Variants in CA2 observed in about 807,000 individuals in gnomAD.
The protein encoded by CA2 is carbonate dehydratase II.
CA2 carries 23 observed loss-of-function variants against 27.8 expected under a neutral mutation model. The observed-to-expected ratio is 0.83, with a 90% CI of 0.59 to 1.17. The LOEUF is 1.17. Ranked by LOEUF, CA2 falls within the 50% of genes most tolerant of loss-of-function variation. The pLI, the probability that CA2 is intolerant of heterozygous loss-of-function variation, is 0.00. For synonymous variants in CA2, 99 were observed against 114.9 expected, an observed-to-expected ratio of 0.86 and a Z score of 0.88; for missense variants, 300 against 314.7, an observed-to-expected ratio of 0.95 and a Z score of 0.35.
intron 5 of CA2, 66 bp downstream of exon 5, chr8:85,475,926 T>C: frequency 9.0e-6 from 12 of 1,329,650 alleles, no homozygotes; most frequent in Non-Finnish European, 1.3e-5. Flanking sequence ...GTTTTAGAAA[T>C]TTCTTTTGAT....
intron 4 of CA2, among the ~76,000 whole-genome samples, chr8:85,474,991 C>A (rs1811769562): frequency 6.6e-6 from 1 of 151,904 alleles, no homozygotes; most frequent in African/African-American, 2.4e-5. Flanking sequence ...AAGGCCTTTA[C>A]AAGGGGAGAG....
At chr8:85,476,151 T>C (rs1338806947) in intron 5 of CA2, among the ~76,000 whole-genome samples, 1 of 152,144 alleles carries the variant, frequency 6.6e-6, no homozygotes, top group Non-Finnish European at 1.5e-5. Flanking sequence ...GGTTCAAAGG[T>C]CCTCTAGTCA....
intron 1 of CA2, 36 bp downstream of exon 1, chr8:85,464,151 G>A: frequency 1.6e-6 from 2 of 1,247,370 alleles, no homozygotes; most frequent in Admixed American, 2.3e-5. Flanking sequence ...GGGGCGCCCC[G>A]ATCCCCGATC....
At chr8:85,464,403 G>A (rs1450411901) in intron 1 of CA2, 5 of 407,080 alleles carry the variant, frequency 1.2e-5, no homozygotes, top group Non-Finnish European at 2.2e-5. Flanking sequence ...CCTGGCCGCG[G>A]GACCCGAGGA....
At chr8:85,479,550 C>G (rs954263267) in intron 6 of CA2, among the ~76,000 whole-genome samples, 10 of 152,084 alleles carry the variant, frequency 6.6e-5, no homozygotes, top group Admixed American at 3.9e-4. Flanking sequence ...ATTTGGATCA[C>G]GTCTTGGTTA....
At chr8:85,475,066 G>A (rs1164644972) in intron 4 of CA2, among the ~76,000 whole-genome samples, 1 of 152,080 alleles carries the variant, frequency 6.6e-6, no homozygotes, top group African/African-American at 2.4e-5. Flanking sequence ...CCAGCACCTT[G>A]GGACACCAAG....
intron 1 of CA2, 49 bp downstream of exon 1, chr8:85,464,164 CGAT>C: frequency 2.7e-6 from 4 of 1,475,960 alleles, no homozygotes; most frequent in Non-Finnish European, 3.6e-6. Flanking sequence ...CCCCGATCCC[CGAT>C]CCCCGATCCC....
In CA2 at chr8:85,465,398, C is replaced by A. The variant is rs762111570; in HGVS notation, c.161C>A (p.Ala54Glu). 1.2e-6 allele frequency: 2 copies of A among 1,614,178 alleles called. No homozygotes were observed. The highest frequency in any genetic ancestry group is 1.1e-5 in the South Asian group (1 of 91,082). ...CCCCTGTCTGTTTCCTATGATCAAG[C>A]AACTTCCCTGAGGATCCTCAACAAT... ...LKPLSVSYDQ[A>E]TSLRILNNGH... is the part of the protein sequence containing the mutation. The change falls in exon 2 of 7, where the codon GCA (alanine) becomes GAA (glutamate). Residue 54 changes from alanine (A) to glutamate (E), a missense_variant. Ala to Glu is a moderately radical substitution (Grantham distance 107). Transcript: ENST00000285379.
chr8:85,480,414 G>A (rs190711531), intron 6 of CA2, among the ~76,000 whole-genome samples: 28 of 149,756 alleles, frequency 1.9e-4, no homozygotes, highest in Middle Eastern at 3.4e-3. Flanking sequence ...GCTCTACCAC[G>A]CCTGTTTAAT....
chr8:85,476,459 TC>T (rs1032932454), intron 5 of CA2, among the ~76,000 whole-genome samples: 9 of 152,180 alleles, frequency 5.9e-5, no homozygotes, highest in Admixed American at 4.6e-4. Context: ...GCAGCATCTA[TC>T]CTCTGAAATG....
At chr8:85,474,631 G>A in intron 4 of CA2, 1 of 569,698 alleles carries the variant, frequency 1.8e-6, no homozygotes, top group East Asian at 3.1e-5. Flanking sequence ...GGTACCTTTT[G>A]GATGTAAATG....
intron 5 of CA2, among the ~76,000 whole-genome samples, chr8:85,476,583 T>C (rs1160484644): frequency 6.6e-6 from 1 of 152,246 alleles, no homozygotes; most frequent in Non-Finnish European, 1.5e-5. Context: ...TAATTATCTT[T>C]AGTTTCCTTT....
At position 85,464,125 on chromosome 8, in the gene CA2, GGCGACGGCCA is replaced by G; in HGVS notation, c.34+14_34+23del. 1 of 1,537,978 alleles carries G rather than the reference GGCGACGGCCA, an allele frequency of 6.5e-7. No homozygotes were observed. The highest frequency in any genetic ancestry group is 2.5e-5 in the East Asian group (1 of 39,932). ...TACGGCAAACACAACGGTGAGTGCC[GGCGACGGCCA>G]GCGCGGGGGCGCCCCGATCCCCGAT... On this transcript the variant is annotated intron_variant, in intron 1 of 6. Transcript: ENST00000285379.
At chr8:85,470,233 AT>A (rs374392069) in intron 2 of CA2, among the ~76,000 whole-genome samples, 36 of 152,234 alleles carry the variant, frequency 2.4e-4, no homozygotes, top group South Asian at 1.4e-3. Context: ...GAATACGTGT[AT>A]TTTTTCCCCC....
chr8:85,473,314 T>A (rs1421471267), intron 2 of CA2: 1 of 425,456 alleles, frequency 2.4e-6, no homozygotes, highest in East Asian at 7.0e-5. Context: ...ACTTCCTAAA[T>A]GTTTCACAGA....
chr8:85,471,321 C>A (rs1185285619), intron 2 of CA2, among the ~76,000 whole-genome samples: 5 of 151,742 alleles, frequency 3.3e-5, no homozygotes, highest in Admixed American at 2.6e-4. Context: ...GGGGCTAAAA[C>A]AGGTATCTGG....
chr8:85,468,015 C>T (rs769016678), intron 2 of CA2, among the ~76,000 whole-genome samples: 3 of 152,140 alleles, frequency 2.0e-5, no homozygotes, highest in Non-Finnish European at 4.4e-5. Context: ...TCCCCGGAGC[C>T]CATGCTGGAA....
chr8:85,480,610 A>G (rs1811874679), intron 6 of CA2, 60 bp from the exon 7 acceptor site: 1 of 1,534,290 alleles, frequency 6.5e-7, no homozygotes, highest in Non-Finnish European at 9.0e-7. Flanking sequence ...ATATAACACA[A>G]GTATATAACT....
intron 6 of CA2, among the ~76,000 whole-genome samples, chr8:85,479,318 G>C (rs11780285): frequency 0.19 from 29,461 of 152,200 alleles, 3,732 homozygotes; most frequent in East Asian, 0.5. Flanking sequence ...TTTATGAACA[G>C]ACTCTCTTTC....
Sources: allele counts gnomAD v4.1 joint callset (sites outside exome capture counted in the v4.1 genomes callset), GRCh38; gene constraint gnomAD v4.1.1; transcripts MANE v1.5; gene names NCBI Gene and HGNC (gene_info 2026-07-23, HGNC 2026-07-21).